Variants in FASTKD2 observed in about 807,000 individuals in gnomAD.
FASTKD2 encodes FAST kinase domains 2, also known as FAST kinase domain-containing protein 2, mitochondrial.
FASTKD2 carries 51 observed loss-of-function variants against 63.6 expected under a neutral mutation model. The ratio of observed to expected loss-of-function variants is 0.80; its 90% confidence interval spans 0.64 to 1.01. The LOEUF (loss-of-function observed/expected upper bound fraction) is 1.01, where lower values mean the gene tolerates loss of function less well. FASTKD2 is among the 50% of genes least tolerant of loss of function. The probability of loss-of-function intolerance (pLI) is 0.00; values close to 1 mark genes in which losing one functional copy is unlikely to be tolerated. For missense variants in FASTKD2, 786 were observed against 831.1 expected (o/e 0.95, Z 0.67); for synonymous variants, 284 against 293.4 (o/e 0.97, Z 0.33).
rs918809171 is a variant in FASTKD2, at chr2:206,791,913, C to G, written c.*111C>G. On this transcript the variant is annotated 3_prime_UTR_variant, in exon 12 of 12. Coordinates refer to ENST00000402774, the MANE Select transcript of FASTKD2 (RefSeq NM_001136193.2). ...TATCTGCTAAGACAAAAAATGTTAC[C>G]TCAGTTCACTATTAAAATTAATTTT... The G allele has an allele frequency of 4.4e-6, 4 of 907,242 alleles. No homozygotes were observed. Among genetic ancestry groups the G allele is most frequent in the African/African-American group, 3.3e-5 (2 of 59,776 alleles). 56.2% of individuals were successfully genotyped at this position (907,242 alleles called of 1,614,324 possible).
In FASTKD2 at chr2:206,794,820, CAT is replaced by C. The variant is rs1343482536; in HGVS notation, c.*3019_*3020del. On this transcript the variant is annotated 3_prime_UTR_variant, in exon 12 of 12. Transcript: ENST00000402774. ...AATGACATTCCAATTTATAGAATGT[CAT>C]GTGTTGTGAGGGTAGTCACCCTGCA... Among the ~76,000 whole-genome samples the C allele has an allele frequency of 6.6e-6, 1 of 152,124 alleles. No homozygotes were observed. Among genetic ancestry groups the C allele is most frequent in the Non-Finnish European group, 1.5e-5 (1 of 68,034 alleles).
intron 7 of FASTKD2, among the ~76,000 whole-genome samples, chr2:206,784,134 G>C (rs1471956046): frequency 6.6e-6 from 1 of 152,222 alleles, no homozygotes; most frequent in African/African-American, 2.4e-5. Flanking sequence ...GAATGCCCAT[G>C]AATGTACAAT....
chr2:206,776,521 C>G (rs1689829186), intron 7 of FASTKD2, among the ~76,000 whole-genome samples: 1 of 151,966 alleles, frequency 6.6e-6, no homozygotes, highest in Admixed American at 6.6e-5. Context: ...ATGTTTAAAT[C>G]TTTAATCCAT....
chr2:206,788,404 T>C (rs1174492746), intron 9 of FASTKD2, among the ~76,000 whole-genome samples: 1 of 152,128 alleles, frequency 6.6e-6, no homozygotes, highest in Non-Finnish European at 1.5e-5. Flanking sequence ...ACTGCTATTA[T>C]CATTATTGGT....
chr2:206,769,207 A>T (rs903482757), intron 2 of FASTKD2, among the ~76,000 whole-genome samples: 1 of 152,246 alleles, frequency 6.6e-6, no homozygotes, highest in Non-Finnish European at 1.5e-5. Context: ...TTCATAGTAG[A>T]TATGGATGGA....
At chr2:206,786,518 T>G in intron 7 of FASTKD2, 1 of 531,908 alleles carries the variant, frequency 1.9e-6, no homozygotes, top group Non-Finnish European at 3.4e-6. Flanking sequence ...GTGAGTTAAA[T>G]GAGTTAAAGT....
Position 206,788,068 on chromosome 2 carries a change from G to A in FASTKD2, c.1726G>A (p.Ala576Thr). 1 of 1,613,872 alleles carries A rather than the reference G, an allele frequency of 6.2e-7. No individual in the cohort carries two copies. The highest frequency in any genetic ancestry group is 8.5e-7 in the Non-Finnish European group (1 of 1,179,856). Residue 576 changes from alanine (A) to threonine (T), a missense_variant, in exon 9 of 12, where the codon GCA becomes ACA. Transcript: ENST00000402774. ...GGAGCTGCCATCGTCACATACAAAT[G>A]CAAAGGTGGCAGAGGTGCTGAGCAG... ...PRELPSSHTN[A>T]KVAEVLSSLL...
intron 3 of FASTKD2, 146 bp from the exon 4 acceptor site, chr2:206,771,036 T>C: frequency 1.6e-6 from 1 of 619,752 alleles, no homozygotes; most frequent in Non-Finnish European, 2.9e-6. Context: ...GATCTTTAAC[T>C]ACTTACACTC....
chr2:206,774,882 A>G (rs975016843), intron 7 of FASTKD2, among the ~76,000 whole-genome samples: 1 of 151,984 alleles, frequency 6.6e-6, no homozygotes, highest in African/African-American at 2.4e-5. Flanking sequence ...GAAACTTTAT[A>G]CCTGTTGAAT....
At chr2:206,771,459 A>G (rs1438504051) in intron 4 of FASTKD2, among the ~76,000 whole-genome samples, 169 bp downstream of exon 4, 1 of 151,990 alleles carries the variant, frequency 6.6e-6, no homozygotes, top group East Asian at 1.9e-4. Context: ...CTGTATATAT[A>G]TACATGTATA....
At position 206,777,383 on chromosome 2, in the gene FASTKD2, G is replaced by A. The variant is rs574185951; in HGVS notation, c.1427+2986G>A. 3.9e-4 allele frequency among the ~76,000 whole-genome samples: 60 copies of A among 152,070 alleles called. 1 individual carries two copies. The highest frequency in any genetic ancestry group is 8.1e-4 in the Non-Finnish European group (55 of 67,956). Reference sequence around the variant, plus strand: ...ATTTGTTGAGAGCCCTTATCATAAAGGTTGTTGAATTTCATCAAATGGTTT... The same window carrying A: ...ATTTGTTGAGAGCCCTTATCATAAAAGTTGTTGAATTTCATCAAATGGTTT... On this transcript the variant is annotated intron_variant, in intron 7 of 11. Transcript: ENST00000402774.
chr2:206,792,380 A>T lies in FASTKD2; in HGVS notation c.*578A>T, dbSNP rs1690310074. The T allele has an allele frequency of 6.5e-6, 1 of 154,772 alleles. No homozygotes were observed. The highest frequency in any genetic ancestry group is 2.4e-5 in the African/African-American group (1 of 41,430). The allele number at this position is 154,772 out of a possible 1,614,324, so 9.6% of individuals were successfully genotyped here. ...GGTTATAATAAGAGAAACACAGATG[A>T]GATGTAGATGGTAAGGAGTCTTACT... On this transcript the variant is annotated 3_prime_UTR_variant, in exon 12 of 12. Coordinates refer to ENST00000402774, the MANE Select transcript of FASTKD2 (RefSeq NM_001136193.2).
intron 6 of FASTKD2, 68 bp from the exon 7 acceptor site, chr2:206,774,157 G>A: frequency 9.3e-7 from 1 of 1,077,694 alleles, no homozygotes; most frequent in Non-Finnish European, 1.4e-6. Context: ...GATTTTTTGA[G>A]ATCTAAAAAA....
intron 11 of FASTKD2, chr2:206,791,450 A>T: frequency 2.0e-6 from 1 of 501,768 alleles, no homozygotes; most frequent in South Asian, 2.4e-5. Context: ...TCAAGAAAGC[A>T]GTTTTTGCAC....
intron 7 of FASTKD2, among the ~76,000 whole-genome samples, chr2:206,776,993 A>G (rs1045466751): frequency 1.4e-4 from 20 of 146,738 alleles, no homozygotes; most frequent in African/African-American, 5.0e-4. Flanking sequence ...GTAGTTTTCA[A>G]TATACAAGTC....
At position 206,793,432 on chromosome 2, in the gene FASTKD2, A is replaced by G. The variant is rs1182391565; in HGVS notation, c.*1630A>G. On this transcript the variant is annotated 3_prime_UTR_variant, in exon 12 of 12. Transcript: ENST00000402774. Reference sequence around the variant, plus strand: ...CCTTTCCTGAAGTCTCAGCTATGCCATTGGTTCCACATCATTTCATCCTCA... The same window carrying G: ...CCTTTCCTGAAGTCTCAGCTATGCCGTTGGTTCCACATCATTTCATCCTCA... 6.6e-6 allele frequency among the ~76,000 whole-genome samples: 1 copy of G among 152,032 alleles called. No individual in the cohort carries two copies. The highest frequency in any genetic ancestry group is 1.5e-5 in the Non-Finnish European group (1 of 68,000).
At chr2:206,786,969 T>G in intron 8 of FASTKD2, 70 bp downstream of exon 8, 1 of 951,870 alleles carries the variant, frequency 1.1e-6, no homozygotes, top group Non-Finnish European at 1.7e-6. Flanking sequence ...ACCATATGAC[T>G]CTGAATGGGG....
chr2:206,783,248 C>T (rs1690041047), intron 7 of FASTKD2: 1 of 148,974 alleles, frequency 6.7e-6, no homozygotes, highest in Non-Finnish European at 1.5e-5. Context: ...TCATGTCTTA[C>T]CCAGTCTCCG....
In FASTKD2 at chr2:206,774,963, C is replaced by G. The variant is rs190322517; in HGVS notation, c.1427+566C>G. Among the ~76,000 whole-genome samples the G allele has an allele frequency of 1.7e-3, 265 of 152,076 alleles. 1 individual carries two copies. The highest frequency in any genetic ancestry group is 3.1e-3 in the Non-Finnish European group (211 of 67,882). ...TTGTAATCTCTGTTTCTATGACTGA[C>G]CTTTTTAGATACTTTATATAAGTGG... On this transcript the variant is annotated intron_variant, in intron 7 of 11. Transcript: ENST00000402774.
Sources: allele counts gnomAD v4.1 joint callset (sites outside exome capture counted in the v4.1 genomes callset), GRCh38; gene constraint gnomAD v4.1.1; transcripts MANE v1.5; gene names NCBI Gene and HGNC (gene_info 2026-07-23, HGNC 2026-07-21).